GRIK1: variants seen among roughly 807,000 people sequenced by gnomAD.
GRIK1 encodes the protein glutamate ionotropic receptor kainate type subunit 1.
In GRIK1, 69 loss-of-function variants were observed where a neutral mutation model predicts 105.7. The observed-to-expected ratio is 0.65, with a 90% CI of 0.54 to 0.80. The LOEUF (loss-of-function observed/expected upper bound fraction) is 0.80. Ranked by LOEUF, GRIK1 falls within the 30% of genes least tolerant of loss-of-function variation. GRIK1 has a pLI of 0.00. For synonymous variants in GRIK1, 438 were observed against 431.3 expected, an observed-to-expected ratio of 1.02 and a Z score of -0.19; for missense variants, 1,109 against 1,167.3, an observed-to-expected ratio of 0.95 and a Z score of 0.73.
chr21:29,794,658 T>A (rs1016665810), intron 1 of GRIK1, among the ~76,000 whole-genome samples: 1 of 152,232 alleles, frequency 6.6e-6, no homozygotes, highest in African/African-American at 2.4e-5. Flanking sequence ...GTTTTCTTTT[T>A]ATGTACTGAT....
intron 1 of GRIK1, among the ~76,000 whole-genome samples, chr21:29,925,386 C>T (rs2146338711): frequency 6.6e-6 from 1 of 152,248 alleles, no homozygotes; most frequent in East Asian, 1.9e-4. Context: ...CTTGCTTCAC[C>T]TTCACCTCCA....
At chr21:29,930,517 A>G (rs994059255) in intron 1 of GRIK1, among the ~76,000 whole-genome samples, 3 of 152,200 alleles carry the variant, frequency 2.0e-5, no homozygotes, top group Non-Finnish European at 4.4e-5. Context: ...TTTTAAAGGC[A>G]TATTTAGACA....
chr21:29,656,385 A>AAAAAAAAAT, intron 4 of GRIK1, among the ~76,000 whole-genome samples: 1 of 144,016 alleles, frequency 6.9e-6, no homozygotes, highest in Non-Finnish European at 1.5e-5. Flanking sequence ...AAAAAAAAAA[A>AAAAAAAAAT]AAAAGAAATG....
chr21:29,720,694 C>G (rs2064298260), intron 1 of GRIK1, among the ~76,000 whole-genome samples: 1 of 152,144 alleles, frequency 6.6e-6, no homozygotes, highest in African/African-American at 2.4e-5. Context: ...CAGCTTCGAT[C>G]ACCTCCATGA....
intron 3 of GRIK1, among the ~76,000 whole-genome samples, chr21:29,684,174 A>AT (rs1480503384): frequency 2.6e-5 from 4 of 152,252 alleles, no homozygotes; most frequent in Non-Finnish European, 5.9e-5. Flanking sequence ...GAAGTCAGAT[A>AT]TTTTTGTGTG....
intron 16 of GRIK1, among the ~76,000 whole-genome samples, chr21:29,554,782 T>G (rs190052637): frequency 4.7e-4 from 71 of 152,308 alleles, no homozygotes; most frequent in African/African-American, 1.6e-3. Context: ...GTTCAAAAAT[T>G]AACTGAGTTT....
chr21:29,832,068 C>T (rs2067657627), intron 1 of GRIK1, among the ~76,000 whole-genome samples: 1 of 152,158 alleles, frequency 6.6e-6, no homozygotes, highest in South Asian at 2.1e-4. Context: ...AAGTCCAAAA[C>T]CCAGCAAGGG....
intron 7 of GRIK1, among the ~76,000 whole-genome samples, chr21:29,610,789 G>A (rs1458531491): frequency 6.6e-6 from 1 of 151,902 alleles, no homozygotes; most frequent in East Asian, 1.9e-4. Flanking sequence ...AAAAAAGCCA[G>A]TAAGAGAAAA....
At chr21:29,670,484 T>C (rs544509454) in intron 4 of GRIK1, among the ~76,000 whole-genome samples, 8 of 152,336 alleles carry the variant, frequency 5.3e-5, no homozygotes, top group African/African-American at 1.9e-4. Flanking sequence ...GAACTTCAAG[T>C]CCAAATTTAG....
rs59697513 is a variant in GRIK1 at position 29,560,353 on chromosome 21, TTCTTTTTC to T, written c.2356+1263_2356+1270del. ...TTTCTTTCTTTCTTTCTTTCTTTCT[TTCTTTTTC>T]TTTCTTCCTTCCTTCCTTCCTTCCT... On this transcript the variant is annotated intron_variant, in intron 15 of 17. Transcript: ENST00000327783. Among the ~76,000 whole-genome samples, 288 of 100,652 alleles carry T rather than the reference TTCTTTTTC, an allele frequency of 2.9e-3. 8 individuals carry two copies. The highest frequency in any genetic ancestry group is 5.3e-3 in the African/African-American group (117 of 21,872). 66.0% of individuals were successfully genotyped at this position (100,652 alleles called of 152,430 possible). A position where few individuals can be genotyped will look rare whatever the true frequency, so the allele number is the denominator to read the frequency against.
At chr21:29,632,368 C>A (rs1215808518) in intron 7 of GRIK1, among the ~76,000 whole-genome samples, 1 of 151,920 alleles carries the variant, frequency 6.6e-6, no homozygotes, top group Non-Finnish European at 1.5e-5. Context: ...TCAGTAAATA[C>A]TTTTGGAATG....
At chr21:29,652,344 A>G (rs1328339371) in intron 5 of GRIK1, among the ~76,000 whole-genome samples, 1 of 152,328 alleles carries the variant, frequency 6.6e-6, no homozygotes, top group East Asian at 1.9e-4. Flanking sequence ...GGCCGAAAAA[A>G]AATCATCTCC....
chr21:29,670,830 T>A (rs1342531653), intron 4 of GRIK1, among the ~76,000 whole-genome samples: 1 of 152,242 alleles, frequency 6.6e-6, no homozygotes, highest in African/African-American at 2.4e-5. Flanking sequence ...GGATTACTGA[T>A]TGCATTTACT....
At chr21:29,672,163 T>C (rs1398134541) in intron 4 of GRIK1, among the ~76,000 whole-genome samples, 1 of 151,624 alleles carries the variant, frequency 6.6e-6, no homozygotes, top group Non-Finnish European at 1.5e-5. Context: ...GTTCAAGCGA[T>C]TCTCCTGCCT....
intron 16 of GRIK1, chr21:29,553,458 T>C (rs1769033481): frequency 2.1e-6 from 3 of 1,436,018 alleles, no homozygotes; most frequent in African/African-American, 2.9e-5. Flanking sequence ...GAATAGAGAA[T>C]TGTGGCTATT....
chr21:29,646,871 G>A lies in GRIK1; in HGVS notation c.955-3902C>T, dbSNP rs555527578. On this transcript the variant is annotated intron_variant, in intron 6 of 17. Coordinates refer to ENST00000327783, the MANE Select transcript of GRIK1 (RefSeq NM_001330994.2). Reference sequence around the variant, plus strand: ...TTTCCTTTTTTTTTTTTTAGAAGGAGTCTTGCTCTTATTGCCCAGGCTAGA... The same window carrying A: ...TTTCCTTTTTTTTTTTTTAGAAGGAATCTTGCTCTTATTGCCCAGGCTAGA... 2.0e-5 allele frequency among the ~76,000 whole-genome samples: 3 copies of A among 150,856 alleles called. No homozygotes were observed. The East Asian group carries it at 5.9e-4, about 29-fold the overall frequency.
At chr21:29,573,856 A>G (rs1434390180) in intron 14 of GRIK1, among the ~76,000 whole-genome samples, 1 of 148,578 alleles carries the variant, frequency 6.7e-6, no homozygotes, top group South Asian at 2.1e-4. Context: ...CCGTCTGGAA[A>G]AAAAAAAAAA....
intron 1 of GRIK1, among the ~76,000 whole-genome samples, chr21:29,730,808 T>C (rs1266293744): frequency 6.6e-6 from 1 of 152,202 alleles, no homozygotes; most frequent in Non-Finnish European, 1.5e-5. Context: ...CCTACACTTT[T>C]GTCCTATGGG....
At chr21:29,553,106 G>T in intron 16 of GRIK1, 1 of 429,236 alleles carries the variant, frequency 2.3e-6, no homozygotes, top group Non-Finnish European at 3.0e-6. Flanking sequence ...GTTTTGGGTA[G>T]TTTGAAAATA....
Sources: gnomAD v4.1 joint callset for allele counts (sites outside exome capture counted in the v4.1 genomes callset) on GRCh38, gnomAD v4.1.1 for gene constraint, MANE v1.5 for transcripts, NCBI Gene and HGNC (gene_info 2026-07-23, HGNC 2026-07-21) for gene names.